The following CCDC102B variants were observed in gnomAD, a reference collection of about 807,000 sequenced individuals.
CCDC102B encodes coiled-coil domain-containing protein 102B.
Under a neutral mutation model 57.4 loss-of-function variants are expected in CCDC102B, and 75 were observed. The observed-to-expected ratio is 1.31, with a 90% CI of 1.08 to 1.58. The LOEUF (loss-of-function observed/expected upper bound fraction) is 1.58, where lower values mean the gene tolerates loss of function less well. Ranked by LOEUF, CCDC102B falls within the 40% of genes most tolerant of loss-of-function variation. The pLI, the probability that CCDC102B is intolerant of heterozygous loss-of-function variation, is 0.00. For synonymous variants in CCDC102B, 206 were observed against 201.9 expected, an observed-to-expected ratio of 1.02 and a Z score of -0.17; for missense variants, 636 against 582.6, an observed-to-expected ratio of 1.09 and a Z score of -0.94.
chr18:69,022,224 A>ATATATATATATATATATATAT (rs1568131201), intron 7 of CCDC102B, among the ~76,000 whole-genome samples: 1 of 111,778 alleles, frequency 8.9e-6, no homozygotes. Context: ...TATATATATA[A>ATATATATATATATATATATAT]CACACACACA....
intron 6 of CCDC102B, among the ~76,000 whole-genome samples, chr18:68,963,553 C>T (rs2050096793): frequency 1.3e-5 from 2 of 151,860 alleles, no homozygotes; most frequent in Admixed American, 1.3e-4. Context: ...TCCATCAAGA[C>T]AAGGCCTTTT....
In CCDC102B at chr18:68,846,279, C is replaced by T. The variant is rs776878874; in HGVS notation, c.828-34C>T. On this transcript the variant is annotated intron_variant, in intron 3 of 7. Transcript: ENST00000360242. ...CTTGAAAGTATTTTAAAATTGAAGC[C>T]GACTTTTTTTCTTTTAATTCTTAAA... The T allele has an allele frequency of 4.5e-5, 61 of 1,357,776 alleles. 3 individuals carry two copies. In the South Asian group the frequency reaches 8.5e-4, roughly 19 times the overall value. 84.1% of individuals were successfully genotyped at this position (1,357,776 alleles called of 1,614,324 possible). A position where few individuals can be genotyped will look rare whatever the true frequency, so the allele number is the denominator to read the frequency against.
At chr18:68,980,156 GT>G (rs1187544773) in intron 6 of CCDC102B, among the ~76,000 whole-genome samples, 1 of 151,766 alleles carries the variant, frequency 6.6e-6, no homozygotes. Flanking sequence ...CATATTCCTG[GT>G]TTGATGTAGG....
chr18:68,989,824 C>T (rs1377077766), intron 6 of CCDC102B, among the ~76,000 whole-genome samples: 1 of 152,196 alleles, frequency 6.6e-6, no homozygotes, highest in Non-Finnish European at 1.5e-5. Context: ...CTGTCTCTCT[C>T]TCCCATTTGT....
chr18:68,958,235 G>A (rs117175580), intron 6 of CCDC102B, among the ~76,000 whole-genome samples: 3,359 of 152,220 alleles, frequency 0.022, 75 homozygotes, highest in Non-Finnish European at 0.034. Context: ...GATGAGATTT[G>A]GGTAGGGACA....
chr18:68,872,068 T>A (rs2039260976), intron 4 of CCDC102B, among the ~76,000 whole-genome samples: 2 of 148,054 alleles, frequency 1.4e-5, no homozygotes, highest in Admixed American at 1.3e-4. Flanking sequence ...TGTGAGAGAA[T>A]AAAGAACATA....
At chr18:68,886,683 C>T (rs2039897675) in intron 5 of CCDC102B, among the ~76,000 whole-genome samples, 1 of 152,086 alleles carries the variant, frequency 6.6e-6, no homozygotes, top group Non-Finnish European at 1.5e-5. Flanking sequence ...TCACTGACTA[C>T]ATAGTAACCA....
chr18:68,901,147 C>A (rs1387268279), intron 6 of CCDC102B, among the ~76,000 whole-genome samples: 3 of 152,086 alleles, frequency 2.0e-5, no homozygotes, highest in African/African-American at 7.2e-5. Flanking sequence ...AAAGTCTTTC[C>A]CAATTTTCCC....
intron 6 of CCDC102B, among the ~76,000 whole-genome samples, chr18:68,949,383 A>G (rs1418424180): frequency 6.6e-6 from 1 of 152,128 alleles, no homozygotes; most frequent in Non-Finnish European, 1.5e-5. Flanking sequence ...TTGTATAAAA[A>G]CACAATAGAA....
intron 4 of CCDC102B, among the ~76,000 whole-genome samples, chr18:68,854,779 G>A (rs146000744): frequency 1.4e-4 from 22 of 152,252 alleles, no homozygotes; most frequent in African/African-American, 5.3e-4. Context: ...AGGCTTAATG[G>A]GAGTAGATAA....
At chr18:68,755,654 GGCAGCT>G (rs2034022487) in intron 2 of CCDC102B, among the ~76,000 whole-genome samples, 1 of 151,906 alleles carries the variant, frequency 6.6e-6, no homozygotes, top group Non-Finnish European at 1.5e-5. Flanking sequence ...TAATTGAAAT[GGCAGCT>G]GTCATGTATC....
intron 6 of CCDC102B, among the ~76,000 whole-genome samples, chr18:68,947,385 C>G (rs1430112446): frequency 2.0e-5 from 3 of 151,890 alleles, no homozygotes; most frequent in Non-Finnish European, 4.4e-5. Context: ...ACATATATGG[C>G]CCAAAATATA....
intron 4 of CCDC102B, among the ~76,000 whole-genome samples, chr18:68,863,568 A>G (rs2038850355): frequency 6.6e-6 from 1 of 151,962 alleles, no homozygotes; most frequent in Non-Finnish European, 1.5e-5. Flanking sequence ...TTAAATAAAG[A>G]GAACTTCATC....
intron 2 of CCDC102B, among the ~76,000 whole-genome samples, chr18:68,758,641 C>A (rs1009726530): frequency 2.0e-5 from 3 of 151,156 alleles, no homozygotes; most frequent in Admixed American, 6.6e-5. Context: ...GGAGAGGAGA[C>A]TGCGATAAGC....
At position 68,809,592 on chromosome 18, in the gene CCDC102B, A is replaced by C. The variant is rs1455472799; in HGVS notation, c.-16+11411A>C. On this transcript the variant is annotated intron_variant, in intron 1 of 7. Transcript: ENST00000360242. ...AAAACTTTCCATTTAATAGCTACAT[A>C]ATTTTTAAAATAAATACATACTCAT... 2.0e-5 allele frequency among the ~76,000 whole-genome samples: 3 copies of C among 152,194 alleles called. No individual in the cohort carries two copies. The East Asian group carries it at 5.8e-4, about 29-fold the overall frequency.
chr18:68,791,620 GTGTA>G (rs2035462603), intron 2 of CCDC102B, among the ~76,000 whole-genome samples: 1 of 87,126 alleles, frequency 1.1e-5, no homozygotes, highest in African/African-American at 3.5e-5. Flanking sequence ...AATAGAGTGT[GTGTA>G]TGTGTGTGTG....
intron 5 of CCDC102B, among the ~76,000 whole-genome samples, chr18:68,882,467 G>A (rs1359767710): frequency 6.6e-6 from 1 of 152,158 alleles, no homozygotes; most frequent in East Asian, 1.9e-4. Flanking sequence ...GGATTGATTA[G>A]TTCCTACACA....
intron 2 of CCDC102B, among the ~76,000 whole-genome samples, chr18:68,790,831 A>T (rs542749841): frequency 2.0e-5 from 3 of 152,172 alleles, no homozygotes; most frequent in Non-Finnish European, 2.9e-5. Context: ...AGCTGTTCCT[A>T]TTCAGCCATC....
chr18:68,966,839 C>T (rs2050177052), intron 6 of CCDC102B, among the ~76,000 whole-genome samples: 1 of 152,088 alleles, frequency 6.6e-6, no homozygotes, highest in South Asian at 2.1e-4. Flanking sequence ...CCCCTCCCTC[C>T]TCCAGAGAGT....
Sources: allele counts gnomAD v4.1 joint callset (sites outside exome capture counted in the v4.1 genomes callset), GRCh38; gene constraint gnomAD v4.1.1; transcripts MANE v1.5; gene names NCBI Gene and HGNC (gene_info 2026-07-23, HGNC 2026-07-21).